Variants in RAD54L observed in about 807,000 individuals in gnomAD.
RAD54L encodes DNA repair and recombination protein RAD54-like.
In RAD54L, 74 loss-of-function variants were observed where a neutral mutation model predicts 91.6. That is an observed-to-expected ratio of 0.81 (90% confidence interval 0.67 to 0.98). The LOEUF (loss-of-function observed/expected upper bound fraction) is 0.98, where lower values mean the gene tolerates loss of function less well. Ranked by LOEUF, RAD54L falls within the 50% of genes least tolerant of loss-of-function variation. The pLI, the probability that RAD54L is intolerant of heterozygous loss-of-function variation, is 0.00. For synonymous variants in RAD54L, 304 were observed against 349.7 expected (o/e 0.87, Z 1.46); for missense variants, 887 against 945.7 (o/e 0.94, Z 0.81).
At chr1:46,275,467 G>A (rs1285282516) in intron 16 of RAD54L, among the ~76,000 whole-genome samples, 1 of 150,146 alleles carries the variant, frequency 6.7e-6, no homozygotes, top group Non-Finnish European at 1.5e-5. Flanking sequence ...CATCTGGCTT[G>A]ACTTCCTTGT....
chr1:46,267,495 C>T lies in RAD54L; in HGVS notation c.928C>T (p.Gln310Ter). 6.2e-7 allele frequency: 1 copy of T among 1,614,086 alleles called. No individual in the cohort carries two copies. Among genetic ancestry groups the T allele is most frequent in the South Asian group, 1.1e-5 (1 of 91,076 alleles). ...RLKNSENQTY[Q>*]ALDSLNTSRR... ...CAAGAACTCTGAGAATCAGACTTAC[C>T]AAGCCCTGGACAGCTTGAACACCAG... The change falls in exon 9 of 18, where the codon CAA (glutamine) becomes TAA (stop). Residue 310 changes from glutamine (Q) to a stop codon, truncating the protein, a stop_gained. Coordinates refer to ENST00000371975, the MANE Select transcript of RAD54L (RefSeq NM_003579.4). LOFTEE classifies it high-confidence loss of function.
chr1:46,273,333 G>T (rs563385285), intron 12 of RAD54L, 22 bp from the exon 13 acceptor site: 2 of 1,575,798 alleles, frequency 1.3e-6, no homozygotes, highest in African/African-American at 2.7e-5. Flanking sequence ...AAGTATCTGG[G>T]TTTTGTTTTG....
rs577822124 is a variant in RAD54L at position 46,272,343 on chromosome 1, G to A, written c.1170-123G>A. 13 of 918,990 alleles carry A rather than the reference G, an allele frequency of 1.4e-5. No individual in the cohort carries two copies. The Middle Eastern group carries it at 6.4e-4, about 45-fold the overall frequency. 56.9% of individuals were successfully genotyped at this position (918,990 alleles called of 1,614,324 possible). On this transcript the variant is annotated intron_variant, in intron 10 of 17. Coordinates refer to ENST00000371975, the MANE Select transcript of RAD54L (RefSeq NM_003579.4). The stretch of plus-strand genomic sequence containing the variant: ...CTGGCGTGAGCCACTGCGCCTGGCC[G>A]AGTCTCTGACATTTAATACTGTAAA...
rs528285844 is a variant in RAD54L, at chr1:46,265,485, G to T, written c.892-1974G>T. On this transcript the variant is annotated intron_variant, in intron 8 of 17. Transcript: ENST00000371975. This position sits in a 1 kb window ranked among gnomAD's most constrained non-coding sequence, Gnocchi z 4.8. The stretch of plus-strand genomic sequence containing the variant: ...GACAGGGTTTCACCATGTTGGCCAG[G>T]CTGGACGCAAACTCCTGACCTCAGG... Among the ~76,000 whole-genome samples the T allele has an allele frequency of 1.3e-5, 2 of 152,246 alleles. No individual in the cohort carries two copies. The highest frequency in any genetic ancestry group is 2.4e-5 in the African/African-American group (1 of 41,546).
rs751010909 is a variant in RAD54L, at chr1:46,277,973, C to T, written c.2026C>T (p.His676Tyr). The change falls in exon 17 of 18, where the codon CAT becomes TAT. Residue 676 changes from histidine to tyrosine, a missense_variant. Physicochemically the swap from His to Tyr is moderately conservative, Grantham distance 83. Coordinates refer to ENST00000371975, the MANE Select transcript of RAD54L (RefSeq NM_003579.4). ...ILDEASLSDTHDRLHCRRCVN... is the reference protein window; with the variant it reads ...ILDEASLSDTYDRLHCRRCVN... ...GGATGAAGCTAGCCTCAGTGACACACATGACAGGTGGGGAAGTGCCCTAAC... is the reference window on the plus strand; with the variant it reads ...GGATGAAGCTAGCCTCAGTGACACATATGACAGGTGGGGAAGTGCCCTAAC... The T allele has an allele frequency of 8.7e-6, 14 of 1,614,066 alleles. No homozygotes were observed. The highest frequency in any genetic ancestry group is 6.7e-5 in the Admixed American group (4 of 60,006).
chr1:46,272,803 G>T lies in RAD54L; in HGVS notation c.1375+1G>T, dbSNP rs762268075. The T allele has an allele frequency of 1.2e-6, 2 of 1,613,934 alleles. No homozygotes were observed. The highest frequency in any genetic ancestry group is 1.3e-5 in the African/African-American group (1 of 74,882). ...ACCTCGCTAAAGAAGCTTTGTAATC[G>T]TGAGTTGGGCTTGTGTCCTGGTGTC... On this transcript the variant is annotated splice_donor_variant, in intron 12 of 17. Transcript: ENST00000371975. LOFTEE classifies it high-confidence loss of function.
Position 46,273,401 on chromosome 1 carries a change from T to C in RAD54L, c.1422T>C (p.Phe474=), listed in dbSNP as rs1660492392. The C allele has an allele frequency of 6.2e-7, 1 of 1,613,968 alleles. No homozygotes were observed. Among genetic ancestry groups the C allele is most frequent in the Non-Finnish European group, 8.5e-7 (1 of 1,179,930 alleles). ...AGTGTGTGGAAGAGGAGGATGGCTT[T>C]GTGGGTGCCTTGGACCTCTTCCCTC... ...YDKCVEEEDG[F]VGALDLFPPG... is the part of the protein sequence containing the mutation. Residue 474 remains phenylalanine, a synonymous_variant, in exon 13 of 18, where the codon TTT becomes TTC. Transcript: ENST00000371975.
At chr1:46,264,364 T>A (rs1660210272) in intron 8 of RAD54L, among the ~76,000 whole-genome samples, 8 of 152,252 alleles carry the variant, frequency 5.3e-5, no homozygotes, top group African/African-American at 1.9e-4. Flanking sequence ...GCTTTCATGT[T>A]CTCAGCTCCC....
chr1:46,250,254 G>A, intron 3 of RAD54L, 135 bp downstream of exon 3: 1 of 1,242,334 alleles, frequency 8.0e-7, no homozygotes. Context: ...CTTTGGACCT[G>A]CCCACAGCTG....
chr1:46,261,192 A>G (rs1660108188), intron 7 of RAD54L, 69 bp from the exon 8 acceptor site: 1 of 1,585,874 alleles, frequency 6.3e-7, no homozygotes, highest in South Asian at 1.1e-5. Flanking sequence ...GAACTGTCTA[A>G]TTGTTTTTTT....
At chr1:46,254,729 G>T (rs1659894575) in intron 3 of RAD54L, among the ~76,000 whole-genome samples, 1 of 152,002 alleles carries the variant, frequency 6.6e-6, no homozygotes, top group Non-Finnish European at 1.5e-5. Flanking sequence ...TAGGACCACA[G>T]GCGTGTGCCA....
In RAD54L at chr1:46,273,665, AGCC is replaced by A; in HGVS notation, c.1530_1532del (p.Arg511del). 3 of 1,614,052 alleles carry A rather than the reference AGCC, an allele frequency of 1.9e-6. No homozygotes were observed. Among genetic ancestry groups the A allele is most frequent in the Non-Finnish European group, 1.7e-6 (2 of 1,180,024 alleles). On this transcript the variant is annotated inframe_deletion, in exon 14 of 18. Coordinates refer to ENST00000371975, the MANE Select transcript of RAD54L (RefSeq NM_003579.4). ...GGATTATATTCTGGCGGTGACCCGA[AGCC>A]GTAGCAGTGACAAAGTAGTGCTGGT... is the stretch of plus-strand genomic sequence containing the variant.
intron 3 of RAD54L, 23 bp downstream of exon 3, chr1:46,250,142 A>G (rs1355095911): frequency 6.2e-7 from 1 of 1,613,948 alleles, no homozygotes; most frequent in Non-Finnish European, 8.5e-7. Context: ...TGCAACCTGC[A>G]TGTGTATGTC....
chr1:46,276,186 CTGAT>C (rs1232591282), intron 16 of RAD54L, among the ~76,000 whole-genome samples: 4 of 152,008 alleles, frequency 2.6e-5, no homozygotes, highest in Non-Finnish European at 5.9e-5. Flanking sequence ...GATTGATTAA[CTGAT>C]TGATTTTGAG....
chr1:46,274,429 C>G, intron 15 of RAD54L, 109 bp from the exon 16 acceptor site: 1 of 1,387,580 alleles, frequency 7.2e-7, no homozygotes, highest in Non-Finnish European at 1.0e-6. Flanking sequence ...GTGGTTTTCA[C>G]AATTGGTACT....
At chr1:46,273,899 A>C in intron 14 of RAD54L, 152 bp downstream of exon 14, 1 of 1,239,298 alleles carries the variant, frequency 8.1e-7, no homozygotes, top group East Asian at 2.5e-5. Flanking sequence ...CCTCAGCTCT[A>C]TCTCCAAGTA....
At chr1:46,264,503 A>G (rs891536192) in intron 8 of RAD54L, among the ~76,000 whole-genome samples, 3 of 152,264 alleles carry the variant, frequency 2.0e-5, no homozygotes, top group Non-Finnish European at 4.4e-5. Context: ...TACAAGCGTG[A>G]CTTTCCACAG....
At chr1:46,274,025 G>A in intron 14 of RAD54L, 113 bp from the exon 15 acceptor site, 1 of 1,124,244 alleles carries the variant, frequency 8.9e-7, no homozygotes, top group Non-Finnish European at 1.3e-6. Context: ...CCCTTCAGTG[G>A]CTCTCCAAGG....
At chr1:46,276,422 A>G (rs1375994982) in intron 16 of RAD54L, among the ~76,000 whole-genome samples, 1 of 152,118 alleles carries the variant, frequency 6.6e-6, no homozygotes, top group African/African-American at 2.4e-5. Flanking sequence ...TGGCCTTCCC[A>G]AGTGCTGGGA....
Sources: gnomAD v4.1 joint callset for allele counts (sites outside exome capture counted in the v4.1 genomes callset) on GRCh38, gnomAD v4.1.1 for gene constraint, Gnocchi (gnomAD v3.1) non-coding constraint, MANE v1.5 for transcripts, NCBI Gene and HGNC (gene_info 2026-07-23, HGNC 2026-07-21) for gene names.